The following FIGNL2 variants were observed in gnomAD, a reference collection of about 807,000 sequenced individuals.
FIGNL2 encodes fidgetin like 2.
For synonymous variants in FIGNL2, 565 were observed against 484.0 expected (o/e 1.17, Z -2.20); for missense variants, 1,060 against 950.2 (o/e 1.12, Z -1.52).
intron 1 of FIGNL2, among the ~76,000 whole-genome samples, chr12:51,828,128 C>G (rs576483133): frequency 2.0e-5 from 3 of 152,312 alleles, no homozygotes; most frequent in Non-Finnish European, 4.4e-5. Context: ...CCCCCGAGTG[C>G]TGTGTATTTA....
Position 51,821,257 on chromosome 12 carries a change from C to T in FIGNL2, c.1157G>A (p.Gly386Glu), listed in dbSNP as rs1293570953. Residue 386 changes from glycine (G) to glutamate (E), a missense_variant, in exon 2 of 2, where the codon GGG becomes GAG. By Grantham distance (98) the Gly-to-Glu change is moderately conservative. Transcript: ENST00000618634. ...CACATCCGCCCACTGCACCGGGGGC[C>T]CGCAGTCCACCATCTTGCTCGTCAC... is the stretch of plus-strand genomic sequence containing the variant. ...ELVTSKMVDC[G>E]PPVQWADVAG... 7 of 1,526,312 alleles carry T rather than the reference C, an allele frequency of 4.6e-6. No individual in the cohort carries two copies. The highest frequency in any genetic ancestry group is 1.2e-5 in the South Asian group (1 of 83,390). The allele number at this position is 1,526,312 out of a possible 1,614,324, so 94.5% of individuals were successfully genotyped here. A position where few individuals can be genotyped will look rare whatever the true frequency, so the allele number is the denominator to read the frequency against.
intron 1 of FIGNL2, among the ~76,000 whole-genome samples, chr12:51,829,248 G>T (rs1939406072): frequency 6.6e-6 from 1 of 152,252 alleles, no homozygotes; most frequent in Non-Finnish European, 1.5e-5. Context: ...GCTCCCACAG[G>T]CCTTTTGTCC....
At chr12:51,824,649 G>C (rs1482145376) in intron 1 of FIGNL2, 1 of 152,208 alleles carries the variant, frequency 6.6e-6, no homozygotes, top group Admixed American at 6.5e-5. Context: ...TGCCGAGCAG[G>C]ATCTCCAAAG....
intron 1 of FIGNL2, chr12:51,848,005 A>C (rs1194317727): frequency 1.5e-6 from 1 of 674,456 alleles, no homozygotes; most frequent in African/African-American, 2.0e-5. Flanking sequence ...CGGGGACCCT[A>C]AGTAGCCTCG....
chr12:51,842,342 C>A (rs1939677850), intron 1 of FIGNL2, among the ~76,000 whole-genome samples: 1 of 152,178 alleles, frequency 6.6e-6, no homozygotes. Flanking sequence ...GAAATGCTGT[C>A]CCTCCAGAGA....
intron 1 of FIGNL2, among the ~76,000 whole-genome samples, chr12:51,840,076 TC>T (rs1250587267): frequency 1.3e-5 from 2 of 152,210 alleles, no homozygotes; most frequent in African/African-American, 4.8e-5. Context: ...TGAAGTCAGT[TC>T]CCCTCCCTGA....
intron 1 of FIGNL2, chr12:51,845,435 C>T (rs540692293): frequency 3.3e-4 from 318 of 977,256 alleles, no homozygotes; most frequent in Non-Finnish European, 3.7e-4. Context: ...GCCAGCACCC[C>T]ATACTTGACC....
chr12:51,838,113 GCCCA>G (rs1255327874), intron 1 of FIGNL2: 1 of 152,342 alleles, frequency 6.6e-6, no homozygotes, highest in East Asian at 1.9e-4. Context: ...GCTGGGAATT[GCCCA>G]CCACACCACA....
intron 1 of FIGNL2, chr12:51,837,830 A>C (rs1282878558): frequency 6.6e-6 from 1 of 152,244 alleles, no homozygotes; most frequent in African/African-American, 2.4e-5. Flanking sequence ...AGTCCCTGCC[A>C]CCAAAGAAAA....
intron 1 of FIGNL2, chr12:51,847,632 G>GCCC (rs1168164478): frequency 5.1e-6 from 5 of 985,204 alleles, no homozygotes; most frequent in Non-Finnish European, 6.0e-6. Flanking sequence ...CGCGCTCTCT[G>GCCC]CCCCGCGCAG....
At chr12:51,824,301 C>T (rs1298675699) in intron 1 of FIGNL2, 2 of 152,206 alleles carry the variant, frequency 1.3e-5, no homozygotes, top group East Asian at 3.9e-4. Context: ...GAAGAGGAAG[C>T]TGAAGATAAC....
chr12:51,845,933 G>T (rs986327433), intron 1 of FIGNL2, among the ~76,000 whole-genome samples: 4 of 152,040 alleles, frequency 2.6e-5, no homozygotes, highest in African/African-American at 4.8e-5. Context: ...CCCGGACTTG[G>T]GGGGGTGGGG....
rs1463715357 is a variant in FIGNL2, at chr12:51,818,373, C to T, written c.*2079G>A. 1 of 150,922 alleles carries T rather than the reference C, an allele frequency of 6.6e-6. No homozygotes were observed. The highest frequency in any genetic ancestry group is 6.6e-5 in the Admixed American group (1 of 15,172). The allele number at this position is 150,922 out of a possible 1,614,324, so 9.3% of individuals were successfully genotyped here. On this transcript the variant is annotated 3_prime_UTR_variant, in exon 2 of 2. Transcript: ENST00000618634. ...ACCCCAACTTCCCTGACACCCTCCACCCACCCCCACCCCCCAATACATACA... is the reference window on the plus strand; with the variant it reads ...ACCCCAACTTCCCTGACACCCTCCATCCACCCCCACCCCCCAATACATACA...
intron 1 of FIGNL2, among the ~76,000 whole-genome samples, chr12:51,824,707 A>G (rs1019142888): frequency 1.3e-5 from 2 of 152,200 alleles, no homozygotes; most frequent in African/African-American, 4.8e-5. Flanking sequence ...CTGGAACATC[A>G]GAAATCACAA....
At chr12:51,829,140 C>T (rs550190286) in intron 1 of FIGNL2, among the ~76,000 whole-genome samples, 31 of 152,396 alleles carry the variant, frequency 2.0e-4, no homozygotes, top group Non-Finnish European at 3.5e-4. Flanking sequence ...GGCAAGCCTC[C>T]TCTGAGCTCC....
chr12:51,828,890 A>G (rs374660238), intron 1 of FIGNL2, among the ~76,000 whole-genome samples: 1 of 152,120 alleles, frequency 6.6e-6, no homozygotes, highest in African/African-American at 2.4e-5. Context: ...AAACACAAAT[A>G]AATTTTTTAC....
rs192465984 is a variant in FIGNL2 at position 51,847,546 on chromosome 12, C to T, written c.-12+994G>A. On this transcript the variant is annotated intron_variant, in intron 1 of 1. Transcript: ENST00000618634. Reference sequence around the variant, plus strand: ...TACGGCCTAATCCTGATTTAGTGACCGTCCCTTTAACAGCCCACCCACCCG... The same window carrying T: ...TACGGCCTAATCCTGATTTAGTGACTGTCCCTTTAACAGCCCACCCACCCG... The T allele has an allele frequency of 2.6e-4, 259 of 985,440 alleles. 1 individual carries two copies. In the East Asian group the frequency reaches 0.016, roughly 62 times the overall value. 61.0% of individuals were successfully genotyped at this position (985,440 alleles called of 1,614,324 possible).
chr12:51,841,136 G>A (rs1027321936), intron 1 of FIGNL2, among the ~76,000 whole-genome samples: 2 of 152,226 alleles, frequency 1.3e-5, no homozygotes, highest in Non-Finnish European at 2.9e-5. Flanking sequence ...CTCCAGCTAT[G>A]CAGCCCGGCC....
Position 51,821,752 on chromosome 12 carries a change from G to A in FIGNL2, c.662C>T (p.Pro221Leu), listed in dbSNP as rs1487475921. The part of the protein sequence containing the change: ...AAQPGYGALP[P>L]PPGPPPAPYL... ...GGGGGCCGGGGGTGGGCCTGGGGGC[G>A]GCGGGAGCGCGCCATAGCCGGGCTG... The change falls in exon 2 of 2, where the codon CCG (proline) becomes CTG (leucine). Residue 221 changes from proline (P) to leucine (L), a missense_variant. Pro to Leu is a moderately conservative substitution (Grantham distance 98). Coordinates refer to ENST00000618634, the MANE Select transcript of FIGNL2 (RefSeq NM_001384995.1). 2.3e-6 allele frequency: 3 copies of A among 1,283,820 alleles called. No individual in the cohort carries two copies. The South Asian group carries it at 8.1e-5, about 34-fold the overall frequency. The allele number at this position is 1,283,820 out of a possible 1,614,324, so 79.5% of individuals were successfully genotyped here.
Sources: gnomAD v4.1 joint callset for allele counts (sites outside exome capture counted in the v4.1 genomes callset) on GRCh38, gnomAD v4.1.1 for gene constraint, MANE v1.5 for transcripts, NCBI Gene and HGNC (gene_info 2026-07-23, HGNC 2026-07-21) for gene names.